Variants in NME7 observed in about 807,000 individuals in gnomAD.
NME7 encodes nucleoside diphosphate kinase 7.
A neutral mutation model predicts 49.1 loss-of-function variants in NME7; 41 were observed. The observed-to-expected ratio is 0.83, with a 90% CI of 0.65 to 1.08. The LOEUF (loss-of-function observed/expected upper bound fraction) is 1.08. Ranked by LOEUF, NME7 falls within the 50% of genes least tolerant of loss-of-function variation. NME7 has a pLI of 0.00. For synonymous variants in NME7, 139 were observed against 150.6 expected (o/e 0.92, Z 0.56); for missense variants, 423 against 463.4 (o/e 0.91, Z 0.80).
At chr1:169,314,861 T>C (rs1451025878) in intron 3 of NME7, among the ~76,000 whole-genome samples, 5 of 152,150 alleles carry the variant, frequency 3.3e-5, no homozygotes, top group Non-Finnish European at 5.9e-5. Context: ...ATGGAAAAGG[T>C]ATACCATGCG....
chr1:169,227,585 T>G (rs1471443250), intron 10 of NME7, among the ~76,000 whole-genome samples: 1 of 152,234 alleles, frequency 6.6e-6, no homozygotes, highest in Non-Finnish European at 1.5e-5. Context: ...AAGACCTTAC[T>G]GTGTCATAAC....
chr1:169,316,551 T>C (rs1446643966), intron 3 of NME7, among the ~76,000 whole-genome samples: 1 of 152,142 alleles, frequency 6.6e-6, no homozygotes, highest in Non-Finnish European at 1.5e-5. Context: ...ATTACAGGCC[T>C]TGAGATAGTA....
chr1:169,241,501 C>T (rs4656668), intron 7 of NME7, among the ~76,000 whole-genome samples: 46,599 of 151,746 alleles, frequency 0.31, 7,738 homozygotes, highest in Non-Finnish European at 0.39. Flanking sequence ...GAAATTTAAT[C>T]TAATCTAAAT....
intron 10 of NME7, among the ~76,000 whole-genome samples, chr1:169,228,041 T>TACACACACACAC (rs72257273): frequency 3.4e-5 from 5 of 147,128 alleles, no homozygotes; most frequent in East Asian, 4.1e-4. Flanking sequence ...TATGTGTGTA[T>TACACACACACAC]ACACACACAC....
Position 169,201,148 on chromosome 1 carries a change from T to C in NME7, c.990+29570A>G, listed in dbSNP as rs532519782. 9.3e-4 allele frequency among the ~76,000 whole-genome samples: 141 copies of C among 152,232 alleles called. 1 individual carries two copies. The highest frequency in any genetic ancestry group is 1.8e-3 in the Non-Finnish European group (121 of 68,002). ...TGGCAGGCTGAGGCAGGAGGATCACTTGAGTCTAGGAGGTAGAGGCTGTAG... is the reference window on the plus strand; with the variant it reads ...TGGCAGGCTGAGGCAGGAGGATCACCTGAGTCTAGGAGGTAGAGGCTGTAG... On this transcript the variant is annotated intron_variant, in intron 10 of 11. Coordinates refer to ENST00000367811, the MANE Select transcript of NME7 (RefSeq NM_013330.5).
chr1:169,324,959 A>G (rs1652005664), intron 1 of NME7, among the ~76,000 whole-genome samples: 1 of 152,212 alleles, frequency 6.6e-6, no homozygotes, highest in Admixed American at 6.5e-5. Context: ...TACCATTAAA[A>G]TTATAGCAAA....
chr1:169,305,172 T>C (rs1469695076), intron 4 of NME7, among the ~76,000 whole-genome samples: 1 of 152,230 alleles, frequency 6.6e-6, no homozygotes, highest in African/African-American at 2.4e-5. Context: ...TTTTTTCCCA[T>C]CATTCTTATC....
chr1:169,216,608 G>T (rs1325649884), intron 10 of NME7, among the ~76,000 whole-genome samples: 1 of 152,240 alleles, frequency 6.6e-6, no homozygotes, highest in Non-Finnish European at 1.5e-5. Flanking sequence ...AGTGGGGGTT[G>T]TGGAAACTCC....
chr1:169,342,818 GTATA>G (rs1192386878), intron 1 of NME7, among the ~76,000 whole-genome samples: 1 of 51,240 alleles, frequency 2.0e-5, no homozygotes, highest in African/African-American at 9.4e-5. Flanking sequence ...TATATATATA[GTATA>G]TATATATACA....
chr1:169,294,813 G>C (rs540930248), intron 6 of NME7, among the ~76,000 whole-genome samples: 11 of 152,258 alleles, frequency 7.2e-5, no homozygotes, highest in African/African-American at 2.6e-4. Flanking sequence ...ATTTCTTTAG[G>C]TGAAATGGCA....
intron 10 of NME7, among the ~76,000 whole-genome samples, chr1:169,215,591 G>A (rs12735021): frequency 0.07 from 10,639 of 152,032 alleles, 1,482 homozygotes; most frequent in East Asian, 0.66. Context: ...AAAAAGGAGA[G>A]GTGACTCATT....
At chr1:169,314,867 A>G (rs546560477) in intron 3 of NME7, among the ~76,000 whole-genome samples, 70 of 152,194 alleles carry the variant, frequency 4.6e-4, no homozygotes, top group Non-Finnish European at 7.4e-4. Context: ...AAGGTATACC[A>G]TGCGAATGTT....
intron 6 of NME7, among the ~76,000 whole-genome samples, chr1:169,297,402 C>G (rs759306507): frequency 6.6e-6 from 1 of 152,184 alleles, no homozygotes; most frequent in Non-Finnish European, 1.5e-5. Flanking sequence ...AGTACTACTA[C>G]GGCCTATAAG....
intron 10 of NME7, among the ~76,000 whole-genome samples, chr1:169,225,775 G>A (rs1370476696): frequency 6.6e-6 from 1 of 152,008 alleles, no homozygotes; most frequent in Non-Finnish European, 1.5e-5. Flanking sequence ...AATACATAAT[G>A]AGCATTCCTT....
At chr1:169,170,319 G>A (rs1043382013) in intron 10 of NME7, among the ~76,000 whole-genome samples, 7 of 152,104 alleles carry the variant, frequency 4.6e-5, no homozygotes, top group Non-Finnish European at 8.8e-5. Flanking sequence ...GGTCGTAAGT[G>A]GGTCACCTCT....
intron 10 of NME7, among the ~76,000 whole-genome samples, chr1:169,222,512 C>T (rs1487847356): frequency 6.6e-6 from 1 of 151,658 alleles, no homozygotes; most frequent in Non-Finnish European, 1.5e-5. Flanking sequence ...AGGAAAAAAC[C>T]CCAAGGAAAT....
At chr1:169,182,501 G>A (rs900267800) in intron 10 of NME7, among the ~76,000 whole-genome samples, 1 of 152,058 alleles carries the variant, frequency 6.6e-6, no homozygotes, top group Non-Finnish European at 1.5e-5. Flanking sequence ...CATCTAATTT[G>A]TTACCAAGTC....
At chr1:169,155,945 G>C (rs908135043) in intron 11 of NME7, among the ~76,000 whole-genome samples, 2 of 151,666 alleles carry the variant, frequency 1.3e-5, no homozygotes, top group African/African-American at 4.9e-5. Context: ...CTGGGAACTT[G>C]TTAGAATGCA....
chr1:169,350,774 C>A (rs1050232359), intron 1 of NME7, among the ~76,000 whole-genome samples: 9 of 152,000 alleles, frequency 5.9e-5, no homozygotes, highest in Admixed American at 2.6e-4. Flanking sequence ...TTTGTAATTT[C>A]TTTCCTTCGT....
Sources: allele counts gnomAD v4.1 joint callset (sites outside exome capture counted in the v4.1 genomes callset), GRCh38; gene constraint gnomAD v4.1.1; transcripts MANE v1.5; gene names NCBI Gene and HGNC (gene_info 2026-07-23, HGNC 2026-07-21).